Variants in PHC2 observed in about 807,000 individuals in gnomAD.
PHC2 encodes the protein polyhomeotic homolog 2.
In PHC2, 29 loss-of-function variants were observed where a neutral mutation model predicts 87.4. The ratio of observed to expected loss-of-function variants is 0.33; its 90% CI spans 0.25 to 0.45. The LOEUF (loss-of-function observed/expected upper bound fraction) is 0.45, where lower values mean the gene tolerates loss of function less well. PHC2 is among the 20% of genes least tolerant of loss of function. The pLI is 1.00. For synonymous variants in PHC2, 438 were observed against 461.7 expected (o/e 0.95, Z 0.66); for missense variants, 857 against 1,136.7 (o/e 0.75, Z 3.54).
At chr1:33,360,945 A>G (rs768005750) in intron 7 of PHC2, among the ~76,000 whole-genome samples, 3 of 152,258 alleles carry the variant, frequency 2.0e-5, no homozygotes, top group East Asian at 1.9e-4. Context: ...GGCCAAGTGA[A>G]TAACAGAAGT....
intron 3 of PHC2, among the ~76,000 whole-genome samples, chr1:33,371,590 C>T (rs192723964): frequency 6.6e-6 from 1 of 152,374 alleles, no homozygotes; most frequent in East Asian, 1.9e-4. Context: ...AGTGTCCAAA[C>T]TGCCCTTCTC....
Position 33,368,753 on chromosome 1 carries a change from T to C in PHC2, c.577-131A>G, listed in dbSNP as rs1647638049. 2 of 711,090 alleles carry C rather than the reference T, an allele frequency of 2.8e-6. No individual in the cohort carries two copies. Among genetic ancestry groups the C allele is most frequent in the Non-Finnish European group, 5.0e-6 (2 of 398,546 alleles). 44.0% of individuals were successfully genotyped at this position (711,090 alleles called of 1,614,324 possible). ...TGTGGACTCAGCCACAGGACACAAC[T>C]GTTTAGCCCAGGAGCGGCTATGAGG... On this transcript the variant is annotated intron_variant, in intron 5 of 14. Transcript: ENST00000683057. The surrounding 1 kb of genome is among the most constrained non-coding windows in gnomAD (Gnocchi z 6.6).
intron 1 of PHC2, among the ~76,000 whole-genome samples, chr1:33,417,690 C>A (rs146338393): frequency 6.6e-6 from 1 of 152,092 alleles, no homozygotes; most frequent in East Asian, 1.9e-4. Flanking sequence ...TTGGAGACTT[C>A]AATACTCCTC....
intron 7 of PHC2, among the ~76,000 whole-genome samples, chr1:33,355,513 C>T (rs1308824987): frequency 6.6e-6 from 1 of 152,228 alleles, no homozygotes; most frequent in Non-Finnish European, 1.5e-5. Context: ...CTCAACTCCT[C>T]AAAACTAAAA....
rs1462985548 is a variant in PHC2 at position 33,369,284 on chromosome 1, G to C, written c.577-662C>G. On this transcript the variant is annotated intron_variant, in intron 5 of 14. Transcript: ENST00000683057. The surrounding 1 kb of genome is among the most constrained non-coding windows in gnomAD (Gnocchi z 4.7). ...TCGACCTCCGTGGGAGTCTAGCTCT[G>C]CATCAGTGTGGATGTGCTGGTGCCT... is the stretch of plus-strand genomic sequence containing the variant. Among the ~76,000 whole-genome samples, 2 of 152,196 alleles carry C rather than the reference G, an allele frequency of 1.3e-5. No individual in the cohort carries two copies. Among genetic ancestry groups the C allele is most frequent in the Non-Finnish European group, 2.9e-5 (2 of 68,036 alleles).
At position 33,430,736 on chromosome 1, in the gene PHC2, G is replaced by C. The variant is rs368540475; in HGVS notation, c.-55+240C>G. On this transcript the variant is annotated intron_variant, in intron 1 of 14. Transcript: ENST00000683057. The stretch of plus-strand genomic sequence containing the variant: ...GCCGCGCTCTGCCGGTCGCCGGCCG[G>C]GACTGCGGGCTCCCAGCGCGGGCCC... Among the ~76,000 whole-genome samples the C allele has an allele frequency of 3.1e-4, 47 of 151,106 alleles. 1 individual carries two copies. The East Asian group carries it at 8.8e-3, about 28-fold the overall frequency.
Position 33,349,210 on chromosome 1 carries a change from G to A in PHC2, c.1558+5191C>T, listed in dbSNP as rs1646907179. ...AAGCCGCAGGCGCCTCCAAGATAGG[G>A]AGTCCACCACCAATAAAGTACGGCA... is the stretch of plus-strand genomic sequence containing the variant. On this transcript the variant is annotated intron_variant, in intron 9 of 14. Transcript: ENST00000683057. The surrounding 1 kb of genome is among the most constrained non-coding windows in gnomAD (Gnocchi z 4.2). 1 of 985,438 alleles carries A rather than the reference G, an allele frequency of 1.0e-6. No homozygotes were observed. The highest frequency in any genetic ancestry group is 1.2e-6 in the Non-Finnish European group (1 of 829,932). 61.0% of individuals were successfully genotyped at this position (985,438 alleles called of 1,614,324 possible). A position where few individuals can be genotyped will look rare whatever the true frequency, so the allele number is the denominator to read the frequency against.
intron 1 of PHC2, among the ~76,000 whole-genome samples, chr1:33,418,990 T>C (rs1272361790): frequency 6.6e-6 from 1 of 152,204 alleles, no homozygotes; most frequent in Non-Finnish European, 1.5e-5. Flanking sequence ...ACTGTCTGCC[T>C]TGGTTCAGGT....
Position 33,370,997 on chromosome 1 carries a change from T to C in PHC2, c.411+20A>G, listed in dbSNP as rs201349937. On this transcript the variant is annotated intron_variant, in intron 4 of 14. Transcript: ENST00000683057. ...GTCCTGGGGCTGTGGACTCTGCTGC[T>C]GCTCCCCCATTCTACTCACCGAAGA... The C allele has an allele frequency of 3.5e-5, 57 of 1,607,436 alleles. No individual in the cohort carries two copies. Among genetic ancestry groups the C allele is most frequent in the Middle Eastern group, 1.7e-4 (1 of 5,988 alleles).
chr1:33,325,432 G>A (rs1020016322), intron 14 of PHC2: 5 of 194,542 alleles, frequency 2.6e-5, no homozygotes, highest in African/African-American at 1.2e-4. Flanking sequence ...AGAGGCATGC[G>A]TGGAGAGCAG....
chr1:33,404,464 A>G (rs1290296946), intron 1 of PHC2, among the ~76,000 whole-genome samples: 1 of 152,232 alleles, frequency 6.6e-6, no homozygotes, highest in East Asian at 1.9e-4. Context: ...AAAACACAAC[A>G]GCAATACTAT....
At position 33,353,127 on chromosome 1, in the gene PHC2, G is replaced by A. The variant is rs554207404; in HGVS notation, c.1558+1274C>T. 7 of 152,338 alleles carry A rather than the reference G, an allele frequency of 4.6e-5. No individual in the cohort carries two copies. The East Asian group carries it at 1.3e-3, about 29-fold the overall frequency. 9.4% of individuals were successfully genotyped at this position (152,338 alleles called of 1,614,324 possible). A position where few individuals can be genotyped will look rare whatever the true frequency, so the allele number is the denominator to read the frequency against. ...CGTTAGGAAAATTAATGAAAAGGTA[G>A]AATGTAGATAGACAAGCCTGACCAG... On this transcript the variant is annotated intron_variant, in intron 9 of 14. Coordinates refer to ENST00000683057, the MANE Select transcript of PHC2 (RefSeq NM_001385109.1).
intron 1 of PHC2, among the ~76,000 whole-genome samples, chr1:33,430,639 T>C (rs1199729988): frequency 6.6e-6 from 1 of 151,870 alleles, no homozygotes; most frequent in Non-Finnish European, 1.5e-5. Flanking sequence ...CCCGTTCCGG[T>C]TCCCGTTCCC....
intron 1 of PHC2, among the ~76,000 whole-genome samples, chr1:33,415,868 A>G (rs1269519149): frequency 1.3e-5 from 2 of 152,222 alleles, no homozygotes; most frequent in Non-Finnish European, 2.9e-5. Flanking sequence ...TCTGAAACCA[A>G]AAATAGACTG....
chr1:33,404,014 C>T (rs1381138719), intron 1 of PHC2, among the ~76,000 whole-genome samples: 2 of 152,202 alleles, frequency 1.3e-5, no homozygotes, highest in East Asian at 1.9e-4. Context: ...CCTATGGCTT[C>T]AATTACCATC....
intron 7 of PHC2, among the ~76,000 whole-genome samples, chr1:33,361,486 A>T (rs1647193551): frequency 6.6e-6 from 1 of 152,192 alleles, no homozygotes. Flanking sequence ...GATTACAGGC[A>T]TGAGCCACCA....
At chr1:33,374,781 C>T (rs1175495547) in intron 2 of PHC2, among the ~76,000 whole-genome samples, 1 of 152,160 alleles carries the variant, frequency 6.6e-6, no homozygotes, top group Non-Finnish European at 1.5e-5. Flanking sequence ...AAGTTATTAC[C>T]TTCTCTGAGC....
At chr1:33,411,912 C>T (rs1649999311) in intron 1 of PHC2, among the ~76,000 whole-genome samples, 1 of 152,106 alleles carries the variant, frequency 6.6e-6, no homozygotes, top group South Asian at 2.1e-4. Context: ...AATACTCAAC[C>T]ATCATAACAA....
Position 33,331,591 on chromosome 1 carries a change from G to A in PHC2, c.1892-129C>T. The A allele has an allele frequency of 1.6e-6, 1 of 617,348 alleles. No homozygotes were observed. Among genetic ancestry groups the A allele is most frequent in the Non-Finnish European group, 2.9e-6 (1 of 340,882 alleles). The allele number at this position is 617,348 out of a possible 1,614,324, so 38.2% of individuals were successfully genotyped here. A position where few individuals can be genotyped will look rare whatever the true frequency, so the allele number is the denominator to read the frequency against. On this transcript the variant is annotated intron_variant, in intron 11 of 14. Transcript: ENST00000683057. This position sits in a 1 kb window ranked among gnomAD's most constrained non-coding sequence, Gnocchi z 5.2. ...GCTCCCACAGCTGTGACATACAGCAGCATTCTAGCATGGAAAATGCCAGTG... is the reference window on the plus strand; with the variant it reads ...GCTCCCACAGCTGTGACATACAGCAACATTCTAGCATGGAAAATGCCAGTG...
Sources: gnomAD v4.1 joint callset for allele counts (sites outside exome capture counted in the v4.1 genomes callset) on GRCh38, gnomAD v4.1.1 for gene constraint, Gnocchi (gnomAD v3.1) non-coding constraint, MANE v1.5 for transcripts, NCBI Gene and HGNC (gene_info 2026-07-23, HGNC 2026-07-21) for gene names.